RIPOR1: variants seen among roughly 807,000 people sequenced by gnomAD.
RIPOR1 encodes the protein RHO family interacting cell polarization regulator 1.
RIPOR1 carries 58 observed loss-of-function variants against 116.5 expected under a neutral mutation model. The ratio of observed to expected loss-of-function variants is 0.50; its 90% CI spans 0.40 to 0.62. The LOEUF (loss-of-function observed/expected upper bound fraction) is 0.62, where lower values mean the gene tolerates loss of function less well. Ranked by LOEUF, RIPOR1 falls within the 20% of genes least tolerant of loss-of-function variation. The probability of loss-of-function intolerance (pLI) is 0.00; values close to 1 mark genes in which losing one functional copy is unlikely to be tolerated. For synonymous variants in RIPOR1, 605 were observed against 650.0 expected, an observed-to-expected ratio of 0.93 and a Z score of 1.05; for missense variants, 1,372 against 1,586.2, an observed-to-expected ratio of 0.86 and a Z score of 2.29.
In RIPOR1 at chr16:67,542,818, C is replaced by A. The variant is rs1417142233; in HGVS notation, c.2032C>A (p.Pro678Thr). The A allele has an allele frequency of 6.2e-7, 1 of 1,614,040 alleles. No individual in the cohort carries two copies. The highest frequency in any genetic ancestry group is 2.2e-5 in the East Asian group (1 of 44,876). The change falls in exon 13 of 22, where the codon CCT (proline) becomes ACT (threonine). Residue 678 changes from proline (P) to threonine (T), a missense_variant. By Grantham distance (38) the Pro-to-Thr change is conservative (BLOSUM62 -1). Transcript: ENST00000042381. The surrounding 1 kb of genome is among the most constrained non-coding windows in gnomAD (Gnocchi z 4.6). ...TTSPILINVSPSTSLELATLS... is the reference protein window; with the variant it reads ...TTSPILINVSTSTSLELATLS... Reference sequence around the variant, plus strand: ...AAGCCCCATCCTTATAAATGTAAGCCCTTCCACTTCTCTAGAACTTGCTAC... The same window carrying A: ...AAGCCCCATCCTTATAAATGTAAGCACTTCCACTTCTCTAGAACTTGCTAC...
In RIPOR1 at chr16:67,537,344, A is replaced by C. The variant is rs1597633431; in HGVS notation, c.-23-1080A>C. The stretch of plus-strand genomic sequence containing the variant: ...CACATTGCTGACCCCAGCTGAGCAG[A>C]CCCCTCGCCCCCCGTCGGTCCCCTC... On this transcript the variant is annotated intron_variant, in intron 1 of 21. Coordinates refer to ENST00000042381, the MANE Select transcript of RIPOR1 (RefSeq NM_024519.4). This position sits in a 1 kb window ranked among gnomAD's most constrained non-coding sequence, Gnocchi z 4.6. The C allele has an allele frequency of 3.3e-6, 4 of 1,211,874 alleles. No individual in the cohort carries two copies. Among genetic ancestry groups the C allele is most frequent in the Non-Finnish European group, 4.1e-6 (4 of 970,872 alleles). The allele number at this position is 1,211,874 out of a possible 1,614,324, so 75.1% of individuals were successfully genotyped here. A position where few individuals can be genotyped will look rare whatever the true frequency, so the allele number is the denominator to read the frequency against.
At chr16:67,534,460 T>G (rs192069964) in intron 1 of RIPOR1, among the ~76,000 whole-genome samples, 61 of 152,328 alleles carry the variant, frequency 4.0e-4, no homozygotes, top group African/African-American at 1.4e-3. Context: ...CATTGAAATA[T>G]AATAGGCACA....
upstream of RIPOR1, among the ~76,000 whole-genome samples, chr16:67,527,605 G>A (rs773976899): frequency 2.0e-5 from 3 of 151,354 alleles, no homozygotes; most frequent in African/African-American, 7.3e-5. Flanking sequence ...GGCTGGGCGC[G>A]GTGGCTCATG....
upstream of RIPOR1, among the ~76,000 whole-genome samples, chr16:67,527,350 A>G (rs2050550177): frequency 6.6e-6 from 1 of 151,806 alleles, no homozygotes; most frequent in Non-Finnish European, 1.5e-5. Context: ...ACGCCACTAT[A>G]CTCCAGCCTG....
Position 67,543,769 on chromosome 16 carries a change from C to T in RIPOR1, c.2600+300C>T, listed in dbSNP as rs1567577047. On this transcript the variant is annotated intron_variant, in intron 14 of 21. Transcript: ENST00000042381. This position sits in a 1 kb window ranked among gnomAD's most constrained non-coding sequence, Gnocchi z 4.7. ...CCATCAGCTTGGGTGCCTCCAGCCC[C>T]TCCTCTTCCCCTTGGCCTCACCTTG... 1 of 483,608 alleles carries T rather than the reference C, an allele frequency of 2.1e-6. No homozygotes were observed. Among genetic ancestry groups the T allele is most frequent in the South Asian group, 2.1e-5 (1 of 47,180 alleles). The allele number at this position is 483,608 out of a possible 1,614,324, so 30.0% of individuals were successfully genotyped here. A position where few individuals can be genotyped will look rare whatever the true frequency, so the allele number is the denominator to read the frequency against.
upstream of RIPOR1, among the ~76,000 whole-genome samples, chr16:67,526,557 T>A (rs980299316): frequency 5.3e-5 from 8 of 152,148 alleles, no homozygotes. Context: ...GGCTCATGCA[T>A]TTACACGTTC....
intron 1 of RIPOR1, among the ~76,000 whole-genome samples, chr16:67,535,388 C>A (rs776653939): frequency 6.6e-6 from 1 of 152,264 alleles, no homozygotes; most frequent in Non-Finnish European, 1.5e-5. Context: ...TTCCCCAGGG[C>A]TGGTTTCTGC....
rs1597633921 is a variant in RIPOR1, at chr16:67,537,527, C to A, written c.-23-897C>A. The A allele has an allele frequency of 7.5e-7, 1 of 1,333,680 alleles. No individual in the cohort carries two copies. The highest frequency in any genetic ancestry group is 3.1e-5 in the East Asian group (1 of 32,280). The allele number at this position is 1,333,680 out of a possible 1,614,324, so 82.6% of individuals were successfully genotyped here. ...GCCGGGCGGCTCGAAGTGGCCAGGG[C>A]CGGAAGGTCCGCGGGGGGCGAGCGC... is the stretch of plus-strand genomic sequence containing the variant. On this transcript the variant is annotated intron_variant, in intron 1 of 21. Coordinates refer to ENST00000042381, the MANE Select transcript of RIPOR1 (RefSeq NM_024519.4). This position sits in a 1 kb window ranked among gnomAD's most constrained non-coding sequence, Gnocchi z 4.6.
At chr16:67,526,208 G>C (rs2050538559), upstream of RIPOR1, among the ~76,000 whole-genome samples, 1 of 152,194 alleles carries the variant, frequency 6.6e-6, no homozygotes, top group South Asian at 2.1e-4. Flanking sequence ...CATCTGAGCT[G>C]TTTTCCAAGT....
At position 67,531,583 on chromosome 16, in the gene RIPOR1, G is replaced by C. The variant is rs779768982; in HGVS notation, c.-24+2669G>C. On this transcript the variant is annotated intron_variant, in intron 1 of 21. Coordinates refer to ENST00000042381, the MANE Select transcript of RIPOR1 (RefSeq NM_024519.4). This position sits in a 1 kb window ranked among gnomAD's most constrained non-coding sequence, Gnocchi z 4.2. ...CTTGGGGCTGAGTAGTGGGAAGAAGGAATAGGAGCGATGGGGGCTGCCGGT... is the reference window on the plus strand; with the variant it reads ...CTTGGGGCTGAGTAGTGGGAAGAAGCAATAGGAGCGATGGGGGCTGCCGGT... The C allele has an allele frequency of 1.3e-5, 6 of 454,566 alleles. No homozygotes were observed. Among genetic ancestry groups the C allele is most frequent in the South Asian group, 9.3e-5 (6 of 64,332 alleles). The allele number at this position is 454,566 out of a possible 1,614,324, so 28.2% of individuals were successfully genotyped here.
intron 1 of RIPOR1, chr16:67,538,205 T>TG: frequency 2.3e-6 from 1 of 432,856 alleles, no homozygotes; most frequent in South Asian, 8.2e-5. Context: ...CGGCAGGAAG[T>TG]GGGGGCCGAG....
chr16:67,528,481 A>T (rs2050567742), upstream of RIPOR1: 1 of 152,480 alleles, frequency 6.6e-6, no homozygotes, highest in African/African-American at 2.4e-5. Context: ...AACCAGCCTA[A>T]GCCAGCAGTA....
Position 67,542,681 on chromosome 16 carries a change from A to T in RIPOR1, c.1895A>T (p.Lys632Ile). 1 of 1,612,012 alleles carries T rather than the reference A, an allele frequency of 6.2e-7. No homozygotes were observed. The highest frequency in any genetic ancestry group is 8.5e-7 in the Non-Finnish European group (1 of 1,179,358). ...PTHTPTSPTH[K>I]TSMSPPTTTS... The stretch of plus-strand genomic sequence containing the variant: ...CATACCCCCACAAGTCCCACCCACA[A>T]AACCAGTATGTCACCTCCCACCACT... Residue 632 changes from lysine to isoleucine, a missense_variant, in exon 13 of 22, where the codon AAA (lysine) becomes ATA (isoleucine). Transcript: ENST00000042381. The surrounding 1 kb of genome is among the most constrained non-coding windows in gnomAD (Gnocchi z 4.6).
chr16:67,519,836 T>C (rs1416580383), intron 1 of RIPOR1, among the ~76,000 whole-genome samples: 1 of 149,952 alleles, frequency 6.7e-6, no homozygotes, highest in Non-Finnish European at 1.5e-5. Flanking sequence ...CCGAGGCAGA[T>C]GGATCACCTG....
chr16:67,541,743 C>A lies in RIPOR1; in HGVS notation c.1041C>A (p.Ser347Arg), dbSNP rs1217950765. The change falls in exon 12 of 22, where the codon AGC becomes AGA. Residue 347 changes from serine to arginine, a missense_variant. Ser to Arg is a moderately radical substitution (Grantham distance 110, BLOSUM62 -1). Coordinates refer to ENST00000042381, the MANE Select transcript of RIPOR1 (RefSeq NM_024519.4). This position sits in a 1 kb window ranked among gnomAD's most constrained non-coding sequence, Gnocchi z 4.6. ...VTKRFSTYSQ[S>R]PPDTPSLREQ... ...AGCGCTTCTCCACCTATAGCCAGAG[C>A]CCACCGGACACACCCTCACTTCGGG... 6.2e-7 allele frequency: 1 copy of A among 1,613,968 alleles called. No homozygotes were observed. The highest frequency in any genetic ancestry group is 1.3e-5 in the African/African-American group (1 of 74,894).
chr16:67,519,507 G>A (rs2050475818), intron 1 of RIPOR1, among the ~76,000 whole-genome samples: 1 of 152,170 alleles, frequency 6.6e-6, no homozygotes, highest in African/African-American at 2.4e-5. Context: ...ACCGAGTGAT[G>A]TGTATCCTTG....
In RIPOR1 at chr16:67,546,209, C is replaced by T; in HGVS notation, c.3540C>T (p.Ala1180=). The change falls in exon 21 of 22, where the codon GCC becomes GCT. Residue 1180 remains alanine, a synonymous_variant. Coordinates refer to ENST00000042381, the MANE Select transcript of RIPOR1 (RefSeq NM_024519.4). ...ACACAGAAGCTGTGAGGGAAGCTGC[C>T]CGGCAAAGCCTACAGCAGTGTGGTG... is the stretch of plus-strand genomic sequence containing the variant. ...QTDTEAVREA[A]RQSLQQCGEE... is the part of the protein sequence containing the mutation. 1 of 1,614,076 alleles carries T rather than the reference C, an allele frequency of 6.2e-7. No homozygotes were observed. The highest frequency in any genetic ancestry group is 8.5e-7 in the Non-Finnish European group (1 of 1,180,034).
chr16:67,539,223 C>T, intron 4 of RIPOR1, 155 bp downstream of exon 4: 1 of 655,796 alleles, frequency 1.5e-6, no homozygotes, highest in Non-Finnish European at 2.6e-6. Context: ...GCTTTTCTAT[C>T]CCCAAACTTT....
In RIPOR1 at chr16:67,544,925, G is replaced by A. The variant is rs781219256; in HGVS notation, c.2870-31G>A. ...ATGCTCTCTACTCACCTGCCTGCCT[G>A]TTGCTGACGGTTTCCCTCACCCCCT... On this transcript the variant is annotated intron_variant, in intron 16 of 21. Coordinates refer to ENST00000042381, the MANE Select transcript of RIPOR1 (RefSeq NM_024519.4). The surrounding 1 kb of genome is among the most constrained non-coding windows in gnomAD (Gnocchi z 5.1). The A allele has an allele frequency of 1.2e-6, 2 of 1,608,348 alleles. No individual in the cohort carries two copies. Among genetic ancestry groups the A allele is most frequent in the African/African-American group, 1.3e-5 (1 of 74,908 alleles).
Sources: gnomAD v4.1 joint callset for allele counts (sites outside exome capture counted in the v4.1 genomes callset) on GRCh38, gnomAD v4.1.1 for gene constraint, Gnocchi (gnomAD v3.1) non-coding constraint, MANE v1.5 for transcripts, NCBI Gene and HGNC (gene_info 2026-07-23, HGNC 2026-07-21) for gene names.